KCNAB1: variants seen among roughly 807,000 people sequenced by gnomAD.
The protein encoded by KCNAB1 is potassium voltage-gated channel subfamily A regulatory beta subunit 1.
KCNAB1 carries 35 observed loss-of-function variants against 64.6 expected under a neutral mutation model. The ratio of observed to expected loss-of-function variants is 0.54; its 90% CI spans 0.41 to 0.72. The LOEUF is 0.72. Ranked by LOEUF, KCNAB1 falls within the 30% of genes least tolerant of loss-of-function variation. KCNAB1 has a pLI of 0.00. For synonymous variants in KCNAB1, 177 were observed against 183.8 expected (o/e 0.96, Z 0.30); for missense variants, 401 against 512.9 (o/e 0.78, Z 2.11).
intron 2 of KCNAB1, among the ~76,000 whole-genome samples, chr3:156,442,208 G>C (rs1254254978): frequency 1.3e-5 from 2 of 152,190 alleles, no homozygotes; most frequent in Non-Finnish European, 2.9e-5. Context: ...TAAGATCCAA[G>C]TATGGAGAGT....
chr3:156,432,496 A>G (rs540875041), intron 2 of KCNAB1, among the ~76,000 whole-genome samples: 2 of 152,330 alleles, frequency 1.3e-5, no homozygotes, highest in South Asian at 2.1e-4. Flanking sequence ...TACTCATTTC[A>G]TATCTGACAA....
chr3:156,496,528 C>T (rs1559915460), intron 8 of KCNAB1, among the ~76,000 whole-genome samples: 2 of 152,180 alleles, frequency 1.3e-5, no homozygotes, highest in African/African-American at 2.4e-5. Flanking sequence ...GTCCATTAAA[C>T]CTCCTTTTCT....
intron 1 of KCNAB1, among the ~76,000 whole-genome samples, chr3:156,277,751 G>A (rs1046994792): frequency 1.3e-5 from 2 of 152,102 alleles, no homozygotes; most frequent in Non-Finnish European, 1.5e-5. Context: ...TCTCCTTTGG[G>A]TATATACCCA....
At chr3:156,415,131 G>A (rs943059125) in intron 1 of KCNAB1, among the ~76,000 whole-genome samples, 2 of 152,160 alleles carry the variant, frequency 1.3e-5, no homozygotes, top group African/African-American at 4.8e-5. Context: ...TAGGGCAACT[G>A]AGAGGATCAT....
At chr3:156,509,336 G>A (rs1459762657) in intron 8 of KCNAB1, among the ~76,000 whole-genome samples, 1 of 151,946 alleles carries the variant, frequency 6.6e-6, no homozygotes, top group Non-Finnish European at 1.5e-5. Context: ...CTAAGTCTGG[G>A]GTGAGGCCCT....
At chr3:156,152,845 A>G (rs552421259) in intron 1 of KCNAB1, among the ~76,000 whole-genome samples, 156 of 152,350 alleles carry the variant, frequency 1.0e-3, no homozygotes, top group Middle Eastern at 3.4e-3. Flanking sequence ...TGACCATTGT[A>G]TAAGATGGGC....
At chr3:156,350,067 T>C (rs779960807) in intron 1 of KCNAB1, among the ~76,000 whole-genome samples, 1 of 152,210 alleles carries the variant, frequency 6.6e-6, no homozygotes, top group East Asian at 1.9e-4. Flanking sequence ...ATTTTACATA[T>C]ACCAACATTT....
intron 8 of KCNAB1, among the ~76,000 whole-genome samples, chr3:156,511,971 A>G (rs1717244016): frequency 6.6e-6 from 1 of 152,112 alleles, no homozygotes. Flanking sequence ...TCTGCCTCGA[A>G]TGCTCTTCCA....
In KCNAB1 at chr3:156,426,804, T is replaced by C. The variant is rs80260984; in HGVS notation, c.319+5145T>C. ...TCTTCCATGTCTTTTCATAGTTTGA[T>C]AGTTCATTTCTTTTTAGTGCTTCAT... On this transcript the variant is annotated intron_variant, in intron 2 of 13. Transcript: ENST00000490337. Among the ~76,000 whole-genome samples the C allele has an allele frequency of 6.5e-3, 987 of 152,348 alleles. 10 individuals carry two copies. Among genetic ancestry groups the C allele is most frequent in the African/African-American group, 0.023 (955 of 41,580 alleles).
At chr3:156,205,888 C>T (rs1714625908) in intron 1 of KCNAB1, among the ~76,000 whole-genome samples, 1 of 152,224 alleles carries the variant, frequency 6.6e-6, no homozygotes, top group South Asian at 2.1e-4. Context: ...AGACTTTCCC[C>T]AGGCCCTTCA....
At chr3:156,153,966 T>A (rs1715566127) in intron 1 of KCNAB1, among the ~76,000 whole-genome samples, 1 of 152,250 alleles carries the variant, frequency 6.6e-6, no homozygotes, top group Non-Finnish European at 1.5e-5. Flanking sequence ...TCCATTTATC[T>A]ATGAATTTAT....
intron 12 of KCNAB1, among the ~76,000 whole-genome samples, chr3:156,529,711 A>G (rs937897639): frequency 3.9e-5 from 6 of 152,232 alleles, no homozygotes; most frequent in African/African-American, 1.4e-4. Flanking sequence ...AATCAACTGG[A>G]CTTAGCAGTT....
intron 1 of KCNAB1, among the ~76,000 whole-genome samples, chr3:156,294,795 A>T (rs955002027): frequency 6.6e-6 from 1 of 152,188 alleles, no homozygotes; most frequent in African/African-American, 2.4e-5. Context: ...CCCTAAATCC[A>T]ACAGAAGATT....
rs1719165143 is a variant in KCNAB1, at chr3:156,537,898, T to C, written c.*1151T>C. 1 of 152,306 alleles carries C rather than the reference T, an allele frequency of 6.6e-6. No homozygotes were observed. Among genetic ancestry groups the C allele is most frequent in the African/African-American group, 2.4e-5 (1 of 41,448 alleles). The allele number at this position is 152,306 out of a possible 1,614,324, so 9.4% of individuals were successfully genotyped here. A position where few individuals can be genotyped will look rare whatever the true frequency, so the allele number is the denominator to read the frequency against. On this transcript the variant is annotated 3_prime_UTR_variant, in exon 14 of 14. Coordinates refer to ENST00000490337, the MANE Select transcript of KCNAB1 (RefSeq NM_172160.3). ...CACTATTCAGAATATGCTGGGTAAA[T>C]TGACTTGCCTAGTGAAAAGCAAAAT... is the stretch of plus-strand genomic sequence containing the variant.
intron 1 of KCNAB1, among the ~76,000 whole-genome samples, chr3:156,224,320 C>T (rs909196672): frequency 2.0e-5 from 3 of 152,248 alleles, no homozygotes; most frequent in African/African-American, 7.2e-5. Flanking sequence ...CCACACCTCC[C>T]TGCAAGCTGA....
Position 156,536,833 on chromosome 3 carries a change from T to C in KCNAB1, c.*86T>C, listed in dbSNP as rs1249610037. On this transcript the variant is annotated 3_prime_UTR_variant, in exon 14 of 14. Transcript: ENST00000490337. Reference sequence around the variant, plus strand: ...AGGTGTTACTAACCAGTCTTTTGAATCACTTAGCAGCTTGCTGCTCAACCT... The same window carrying C: ...AGGTGTTACTAACCAGTCTTTTGAACCACTTAGCAGCTTGCTGCTCAACCT... The C allele has an allele frequency of 2.2e-6, 2 of 927,250 alleles. No individual in the cohort carries two copies. The highest frequency in any genetic ancestry group is 1.8e-6 in the Non-Finnish European group (1 of 567,450). 57.4% of individuals were successfully genotyped at this position (927,250 alleles called of 1,614,324 possible).
rs139464010 is a variant in KCNAB1, at chr3:156,278,987, T to C, written c.276-142629T>C. 5.6e-3 allele frequency among the ~76,000 whole-genome samples: 846 copies of C among 152,070 alleles called. 4 individuals carry two copies. The highest frequency in any genetic ancestry group is 0.019 in the African/African-American group (809 of 41,544). On this transcript the variant is annotated intron_variant, in intron 1 of 13. Transcript: ENST00000490337. ...TTTATTTTTTATTTTTATTATACTT[T>C]TAAGTTTTAGGGTACATGTGCACAT...
intron 1 of KCNAB1, among the ~76,000 whole-genome samples, chr3:156,345,354 T>C (rs1242815853): frequency 6.6e-6 from 1 of 152,236 alleles, no homozygotes. Flanking sequence ...AAGGAAAAAC[T>C]CAAATAGCCT....
chr3:156,291,164 A>G, intron 1 of KCNAB1: 1 of 985,514 alleles, frequency 1.0e-6, no homozygotes, highest in Non-Finnish European at 1.2e-6. Context: ...CATCGCACAC[A>G]AAGGCAAAGA....
Sources: gnomAD v4.1 joint callset for allele counts (sites outside exome capture counted in the v4.1 genomes callset) on GRCh38, gnomAD v4.1.1 for gene constraint, MANE v1.5 for transcripts, NCBI Gene and HGNC (gene_info 2026-07-23, HGNC 2026-07-21) for gene names.